Variants in ZRANB3 observed in about 807,000 individuals in gnomAD.
The protein encoded by ZRANB3 is zinc finger RANBP2-type containing 3.
A neutral mutation model predicts 133.8 loss-of-function variants in ZRANB3; 125 were observed. That is an observed-to-expected ratio of 0.93 (90% CI 0.81 to 1.08). ZRANB3 has a LOEUF of 1.08. Ranked by LOEUF, ZRANB3 falls within the 50% of genes least tolerant of loss-of-function variation. The probability of loss-of-function intolerance (pLI) is 0.00; values close to 1 mark genes in which losing one functional copy is unlikely to be tolerated. For missense variants in ZRANB3, 1,229 were observed against 1,275.5 expected (o/e 0.96, Z 0.56); for synonymous variants, 387 against 432.7 (o/e 0.89, Z 1.31).
At chr2:135,323,135 C>A (rs1450831761) in intron 6 of ZRANB3, among the ~76,000 whole-genome samples, 1 of 151,842 alleles carries the variant, frequency 6.6e-6, no homozygotes, top group Admixed American at 6.6e-5. Context: ...ACTTTATAAA[C>A]AATTATAAAC....
At chr2:135,237,739 A>C (rs907162180) in intron 12 of ZRANB3, among the ~76,000 whole-genome samples, 2 of 152,098 alleles carry the variant, frequency 1.3e-5, no homozygotes, top group Non-Finnish European at 2.9e-5. Context: ...GGAATTGAAC[A>C]ATGAGAACAC....
chr2:135,249,943 A>T (rs1195676089), intron 12 of ZRANB3, among the ~76,000 whole-genome samples: 1 of 152,234 alleles, frequency 6.6e-6, no homozygotes, highest in East Asian at 1.9e-4. Context: ...AAAATGTGGA[A>T]GCGACTTTGG....
intron 11 of ZRANB3, among the ~76,000 whole-genome samples, chr2:135,266,298 A>C (rs1680243832): frequency 6.6e-6 from 1 of 152,230 alleles, no homozygotes; most frequent in African/African-American, 2.4e-5. Context: ...GACAGATAGC[A>C]GGCCCTAAAA....
At chr2:135,521,041 T>A (rs1330817564) in intron 1 of ZRANB3, among the ~76,000 whole-genome samples, 1 of 152,168 alleles carries the variant, frequency 6.6e-6, no homozygotes, top group Non-Finnish European at 1.5e-5. Context: ...GTCTTGAAAT[T>A]CTCAAAACAA....
At chr2:135,481,540 G>A (rs1221772591) in intron 2 of ZRANB3, among the ~76,000 whole-genome samples, 13 of 152,024 alleles carry the variant, frequency 8.6e-5, no homozygotes, top group South Asian at 2.1e-4. Flanking sequence ...AGTAAGTTGC[G>A]AAAATTTTCT....
At chr2:135,511,929 C>A (rs1693479507) in intron 1 of ZRANB3, 1 of 757,180 alleles carries the variant, frequency 1.3e-6, no homozygotes, top group East Asian at 2.5e-5. Context: ...GGGGACTAGC[C>A]TTCTCCATCA....
intron 2 of ZRANB3, among the ~76,000 whole-genome samples, chr2:135,440,657 T>C (rs1183110071): frequency 2.6e-5 from 4 of 152,118 alleles, no homozygotes; most frequent in African/African-American, 4.8e-5. Context: ...AAGAAGGAGC[T>C]TGGAAACAGA....
At chr2:135,349,010 G>A (rs570963480) in intron 5 of ZRANB3, among the ~76,000 whole-genome samples, 4 of 152,188 alleles carry the variant, frequency 2.6e-5, no homozygotes, top group Admixed American at 1.3e-4. Flanking sequence ...TGTCAATTAC[G>A]TGGAGCTACA....
chr2:135,529,522 G>GA (rs1233905663), intron 1 of ZRANB3, among the ~76,000 whole-genome samples: 1 of 151,898 alleles, frequency 6.6e-6, no homozygotes, highest in Non-Finnish European at 1.5e-5. Flanking sequence ...TTTGTTTTGA[G>GA]ACGGAGTCTC....
chr2:135,379,261 C>A (rs1279349485), intron 3 of ZRANB3, among the ~76,000 whole-genome samples: 1 of 152,162 alleles, frequency 6.6e-6, no homozygotes, highest in Admixed American at 6.5e-5. Flanking sequence ...GCAGGTGACA[C>A]TGATTTAAAG....
At chr2:135,490,440 A>G (rs971975692) in intron 2 of ZRANB3, among the ~76,000 whole-genome samples, 1 of 152,204 alleles carries the variant, frequency 6.6e-6, no homozygotes, top group South Asian at 2.1e-4. Context: ...ATGCAAATCA[A>G]AACCACAATG....
chr2:135,410,165 C>T (rs1005695505), intron 2 of ZRANB3, among the ~76,000 whole-genome samples: 1 of 152,050 alleles, frequency 6.6e-6, no homozygotes, highest in Non-Finnish European at 1.5e-5. Flanking sequence ...CAAAAAAGAG[C>T]CCCAATAGCC....
chr2:135,400,256 A>G (rs1558971210), intron 2 of ZRANB3, among the ~76,000 whole-genome samples: 1 of 151,728 alleles, frequency 6.6e-6, no homozygotes, highest in Non-Finnish European at 1.5e-5. Context: ...AGTAATAATA[A>G]AAATAAATAA....
chr2:135,268,912 T>C, intron 11 of ZRANB3, 50 bp downstream of exon 11: 1 of 1,524,298 alleles, frequency 6.6e-7, no homozygotes, highest in Non-Finnish European at 8.8e-7. Flanking sequence ...TCACATTGGC[T>C]ATGGTTAATA....
chr2:135,335,912 T>C (rs568517560), intron 6 of ZRANB3, among the ~76,000 whole-genome samples: 4 of 152,026 alleles, frequency 2.6e-5, no homozygotes, highest in Admixed American at 1.3e-4. Flanking sequence ...AAAAACAACA[T>C]AAAAGGAAGT....
At chr2:135,235,412 A>G (rs544888904) in intron 12 of ZRANB3, among the ~76,000 whole-genome samples, 78 of 152,358 alleles carry the variant, frequency 5.1e-4, no homozygotes, top group Admixed American at 1.1e-3. Flanking sequence ...ATAGAAAAAG[A>G]GGGAATCCTC....
intron 3 of ZRANB3, among the ~76,000 whole-genome samples, chr2:135,384,921 T>C (rs920055177): frequency 6.6e-6 from 1 of 152,186 alleles, no homozygotes; most frequent in Non-Finnish European, 1.5e-5. Context: ...GCATTCCCTT[T>C]GAAAGCTGGC....
At chr2:135,238,605 C>T (rs1008593183) in intron 12 of ZRANB3, among the ~76,000 whole-genome samples, 2 of 152,016 alleles carry the variant, frequency 1.3e-5, no homozygotes, top group African/African-American at 4.8e-5. Flanking sequence ...CTGAGGTGAT[C>T]CACCCGCCCC....
chr2:135,359,957 G>C (rs1263453283), intron 3 of ZRANB3, among the ~76,000 whole-genome samples: 1 of 152,054 alleles, frequency 6.6e-6, no homozygotes, highest in Non-Finnish European at 1.5e-5. Flanking sequence ...AAACAAACTA[G>C]AAAAATACAT....
Sources: allele counts gnomAD v4.1 joint callset (sites outside exome capture counted in the v4.1 genomes callset), GRCh38; gene constraint gnomAD v4.1.1; transcripts MANE v1.5; gene names NCBI Gene and HGNC (gene_info 2026-07-23, HGNC 2026-07-21).